The following IRS1 variants were observed in gnomAD, a reference collection of about 807,000 sequenced individuals.
IRS1 encodes the protein insulin receptor substrate 1.
In IRS1, 34 loss-of-function variants were observed where a neutral mutation model predicts 65.6. That is an observed-to-expected ratio of 0.52 (90% confidence interval 0.39 to 0.69). The LOEUF is 0.69. IRS1 is among the 30% of genes least tolerant of loss of function. The pLI is 0.00. For missense variants in IRS1, 1,641 were observed against 1,720.2 expected (o/e 0.95, Z 0.81); for synonymous variants, 699 against 683.5 (o/e 1.02, Z -0.35).
Position 226,798,797 on chromosome 2 carries a change from G to T in IRS1, c.-59C>A. 6.4e-7 allele frequency: 1 copy of T among 1,567,038 alleles called. No individual in the cohort carries two copies. Among genetic ancestry groups the T allele is most frequent in the East Asian group, 2.4e-5 (1 of 41,896 alleles). On this transcript the variant is annotated 5_prime_UTR_variant, in exon 1 of 2. Transcript: ENST00000305123. This position sits in a 1 kb window ranked among gnomAD's most constrained non-coding sequence, Gnocchi z 9.4. ...GAGGCTCCGAAAAACAACCGGGTGG[G>T]GGGCGGAGGCTCCTCGCCGCGGCCC...
chr2:226,783,614 G>A (rs997955800), intron 1 of IRS1, among the ~76,000 whole-genome samples: 5 of 152,120 alleles, frequency 3.3e-5, no homozygotes, highest in Non-Finnish European at 7.4e-5. Context: ...TCACCCAAAG[G>A]TAGAAGTGTT....
intron 1 of IRS1, among the ~76,000 whole-genome samples, chr2:226,791,532 C>T (rs1939600336): frequency 6.6e-6 from 1 of 152,198 alleles, no homozygotes; most frequent in Non-Finnish European, 1.5e-5. Context: ...GAGGGCACAA[C>T]GTCCTCAGTC....
intron 1 of IRS1, among the ~76,000 whole-genome samples, chr2:226,760,703 C>T (rs1938900829): frequency 6.6e-6 from 1 of 152,152 alleles, no homozygotes; most frequent in Admixed American, 6.5e-5. Context: ...TGCATGCATA[C>T]ACAAGGCTAA....
chr2:226,750,074 A>C (rs1488513591), intron 1 of IRS1, among the ~76,000 whole-genome samples: 1 of 152,058 alleles, frequency 6.6e-6, no homozygotes, highest in African/African-American at 2.4e-5. Context: ...ACATGGTGAA[A>C]TCTTGTCTCT....
chr2:226,774,539 CA>C (rs887714365), intron 1 of IRS1, among the ~76,000 whole-genome samples: 146 of 151,202 alleles, frequency 9.7e-4, no homozygotes, highest in African/African-American at 3.5e-3. Context: ...AACAAGCAAA[CA>C]AAAAAAATAT....
Position 226,796,108 on chromosome 2 carries a change from C to G in IRS1, c.2631G>C (p.Gln877His). 1 of 1,613,808 alleles carries G rather than the reference C, an allele frequency of 6.2e-7. No homozygotes were observed. Among genetic ancestry groups the G allele is most frequent in the Non-Finnish European group, 8.5e-7 (1 of 1,180,028 alleles). Reference sequence around the variant, plus strand: ...GCAGCAAGGGCTGCTGCTGCTGCTGCTGCTCTCGGGCCCGAGGTAAGGTGC... The same window carrying G: ...GCAGCAAGGGCTGCTGCTGCTGCTGGTGCTCTCGGGCCCGAGGTAAGGTGC... ...KASTLPRARE[Q>H]QQQQQPLLHP... The change falls in exon 1 of 2, where the codon CAG becomes CAC. Residue 877 changes from glutamine to histidine, a missense_variant. Around this residue, in one of 3 missense-constraint regions of IRS1, gnomAD observed 1,324 missense variants for 1,361.0 expected, o/e 0.97. Coordinates refer to ENST00000305123, the MANE Select transcript of IRS1 (RefSeq NM_005544.3).
chr2:226,794,883 T>G lies in IRS1; in HGVS notation c.*21+106A>C. On this transcript the variant is annotated intron_variant, in intron 1 of 1. Coordinates refer to ENST00000305123, the MANE Select transcript of IRS1 (RefSeq NM_005544.3). The surrounding 1 kb of genome is among the most constrained non-coding windows in gnomAD (Gnocchi z 4.1). ...CCTGAGAATGTAAGTGCATTCTCCC[T>G]GAGGAAGCAGTGGGAAAGAACAGGA... 1 of 989,904 alleles carries G rather than the reference T, an allele frequency of 1.0e-6. No homozygotes were observed. The highest frequency in any genetic ancestry group is 1.6e-6 in the Non-Finnish European group (1 of 625,122). The allele number at this position is 989,904 out of a possible 1,614,324, so 61.3% of individuals were successfully genotyped here. A position where few individuals can be genotyped will look rare whatever the true frequency, so the allele number is the denominator to read the frequency against.
rs1323334210 is a variant in IRS1, at chr2:226,794,984, C to T, written c.*21+5G>A. ...GTCTTCTGACTTTGTCACCATGAAA[C>T]GCACCTGCTGTGATGTCCAGTTGAG... On this transcript the variant is annotated splice_donor_5th_base_variant and intron_variant, in intron 1 of 1. Transcript: ENST00000305123. This position sits in a 1 kb window ranked among gnomAD's most constrained non-coding sequence, Gnocchi z 4.1. 9 of 1,612,442 alleles carry T rather than the reference C, an allele frequency of 5.6e-6. No individual in the cohort carries two copies. Among genetic ancestry groups the T allele is most frequent in the Admixed American group, 1.7e-5 (1 of 60,008 alleles).
At position 226,795,565 on chromosome 2, in the gene IRS1, G is replaced by A. The variant is rs1343271060; in HGVS notation, c.3174C>T (p.Ser1058=). Residue 1058 remains serine (S), a synonymous_variant, in exon 1 of 2, where the codon TCC becomes TCT. Coordinates refer to ENST00000305123, the MANE Select transcript of IRS1 (RefSeq NM_005544.3). ...CAGGTCCTTGTGGGCCCCCCAGCAG[G>A]GACGAGTGGGCAGCCAGCTCTGCTG... The part of the protein sequence containing the change: ...QGAAELAAHS[S]LLGGPQGPGG... 1 of 1,613,018 alleles carries A rather than the reference G, an allele frequency of 6.2e-7. No individual in the cohort carries two copies. Among genetic ancestry groups the A allele is most frequent in the South Asian group, 1.1e-5 (1 of 91,078 alleles).
At chr2:226,747,744 C>G (rs1938578593) in intron 1 of IRS1, among the ~76,000 whole-genome samples, 1 of 152,128 alleles carries the variant, frequency 6.6e-6, no homozygotes, top group Admixed American at 6.5e-5. Flanking sequence ...TTTGCAGACA[C>G]CCTCCAGTCT....
intron 1 of IRS1, among the ~76,000 whole-genome samples, chr2:226,752,493 C>A (rs1488797376): frequency 2.0e-5 from 3 of 152,160 alleles, no homozygotes; most frequent in African/African-American, 7.2e-5. Flanking sequence ...TTTCATTCAC[C>A]AGGCCTAACT....
intron 1 of IRS1, among the ~76,000 whole-genome samples, chr2:226,771,782 C>T (rs1319142728): frequency 6.6e-6 from 1 of 152,094 alleles, no homozygotes; most frequent in Non-Finnish European, 1.5e-5. Context: ...CAGAAGAAAA[C>T]ATTCAGCACT....
chr2:226,735,643 CA>C lies in IRS1; in HGVS notation c.*628del, dbSNP rs1164081419. 6.6e-6 allele frequency: 1 copy of C among 152,586 alleles called. No individual in the cohort carries two copies. Among genetic ancestry groups the C allele is most frequent in the Non-Finnish European group, 1.5e-5 (1 of 68,040 alleles). 9.5% of individuals were successfully genotyped at this position (152,586 alleles called of 1,614,324 possible). The stretch of plus-strand genomic sequence containing the variant: ...TGTTTTCTGAATTACAATCTTAAAA[CA>C]AGGATCATACCCTATTCTACTCTTT... On this transcript the variant is annotated 3_prime_UTR_variant, in exon 2 of 2. Transcript: ENST00000305123.
At chr2:226,746,619 AC>A (rs1056463123) in intron 1 of IRS1, among the ~76,000 whole-genome samples, 1 of 152,028 alleles carries the variant, frequency 6.6e-6, no homozygotes, top group African/African-American at 2.4e-5. Context: ...TGAGGGGTCG[AC>A]CTTTCACCTA....
Position 226,796,895 on chromosome 2 carries a change from A to G in IRS1, c.1844T>C (p.Met615Thr). Residue 615 changes from methionine (M) to threonine (T), a missense_variant, in exon 1 of 2, where the codon ATG (methionine) becomes ACG (threonine). Physicochemically the swap from Met to Thr is moderately conservative, Grantham distance 81. Coordinates refer to ENST00000305123, the MANE Select transcript of IRS1 (RefSeq NM_005544.3). ...TLHTDDGYMPMSPGVAPVPSG... is the reference protein window; with the variant it reads ...TLHTDDGYMPTSPGVAPVPSG... The stretch of plus-strand genomic sequence containing the variant: ...GGGCACTGGGGCCACCCCTGGGGAC[A>G]TGGGCATGTAGCCATCATCCGTGTG... The G allele has an allele frequency of 6.5e-7, 1 of 1,540,442 alleles. No homozygotes were observed. The highest frequency in any genetic ancestry group is 1.4e-5 in the African/African-American group (1 of 72,952).
intron 1 of IRS1, among the ~76,000 whole-genome samples, chr2:226,774,201 G>A (rs1939222531): frequency 6.6e-6 from 1 of 152,146 alleles, no homozygotes; most frequent in South Asian, 2.1e-4. Context: ...TGTTGTAAAT[G>A]TCTATACTGA....
chr2:226,782,006 C>T (rs1024706013), intron 1 of IRS1, among the ~76,000 whole-genome samples: 3 of 151,822 alleles, frequency 2.0e-5, no homozygotes, highest in Admixed American at 6.6e-5. Flanking sequence ...ATTACCTATT[C>T]TTTTAAAAAT....
At chr2:226,742,192 G>A (rs926754535) in intron 1 of IRS1, among the ~76,000 whole-genome samples, 50 of 152,304 alleles carry the variant, frequency 3.3e-4, no homozygotes, top group Admixed American at 1.4e-3. Context: ...GGAAGTATGG[G>A]GGCAAGCTGA....
At position 226,734,654 on chromosome 2, in the gene IRS1, A is replaced by G. The variant is rs1938293028; in HGVS notation, c.*1618T>C. ...GGATGCGAATTCCTGATAGAGAGAT[A>G]GAGGCTCCCACAGACTCAGAGGGAG... On this transcript the variant is annotated 3_prime_UTR_variant, in exon 2 of 2. Transcript: ENST00000305123. 6.6e-6 allele frequency: 1 copy of G among 152,220 alleles called. No individual in the cohort carries two copies. Among genetic ancestry groups the G allele is most frequent in the Non-Finnish European group, 1.5e-5 (1 of 68,038 alleles). 9.4% of individuals were successfully genotyped at this position (152,220 alleles called of 1,614,324 possible). A position where few individuals can be genotyped will look rare whatever the true frequency, so the allele number is the denominator to read the frequency against.
Sources: gnomAD v4.1 joint callset for allele counts (sites outside exome capture counted in the v4.1 genomes callset) on GRCh38, gnomAD v4.1.1 for gene constraint, gnomAD v4.1.1 regional missense constraint, Gnocchi (gnomAD v3.1) non-coding constraint, MANE v1.5 for transcripts, NCBI Gene and HGNC (gene_info 2026-07-23, HGNC 2026-07-21) for gene names.